The following KIAA0825 variants were observed in gnomAD, a reference collection of about 807,000 sequenced individuals.
KIAA0825 encodes the protein uncharacterized protein KIAA0825.
A neutral mutation model predicts 147.6 loss-of-function variants in KIAA0825; 119 were observed. That is an observed-to-expected ratio of 0.81 (90% CI 0.69 to 0.94). The LOEUF (loss-of-function observed/expected upper bound fraction) is 0.94. Ranked by LOEUF, KIAA0825 falls within the 40% of genes least tolerant of loss-of-function variation. The pLI is 0.00. For synonymous variants in KIAA0825, 470 were observed against 518.1 expected, an observed-to-expected ratio of 0.91 and a Z score of 1.26; for missense variants, 1,381 against 1,472.7, an observed-to-expected ratio of 0.94 and a Z score of 1.02.
intron 12 of KIAA0825, among the ~76,000 whole-genome samples, chr5:94,453,536 C>T (rs1222024216): frequency 6.6e-6 from 1 of 151,820 alleles, no homozygotes; most frequent in African/African-American, 2.4e-5. Flanking sequence ...TGGACAATGC[C>T]GCTACTTCAT....
At chr5:94,486,144 C>T (rs1303831742) in intron 5 of KIAA0825, among the ~76,000 whole-genome samples, 1 of 151,832 alleles carries the variant, frequency 6.6e-6, no homozygotes, top group Non-Finnish European at 1.5e-5. Flanking sequence ...TTAAAAGAAT[C>T]CTATCTTTAT....
rs555796180 is a variant in KIAA0825, at chr5:94,286,925, G to T, written c.3710+97443C>A. 2.6e-5 allele frequency among the ~76,000 whole-genome samples: 4 copies of T among 152,164 alleles called. No individual in the cohort carries two copies. The East Asian group carries it at 7.7e-4, about 29-fold the overall frequency. On this transcript the variant is annotated intron_variant, in intron 20 of 20. Coordinates refer to ENST00000682413, the MANE Select transcript of KIAA0825 (RefSeq NM_001145678.3). ...GGGCTCTGACTCCTATTGCCCATAG[G>T]CTAGTTCCACACCTCCCTGGGCTCG...
intron 20 of KIAA0825, among the ~76,000 whole-genome samples, chr5:94,237,067 G>GTGTC (rs1269782626): frequency 6.6e-6 from 1 of 151,856 alleles, no homozygotes; most frequent in African/African-American, 2.4e-5. Context: ...GTGTGTGTGT[G>GTGTC]TGTGTCTGTG....
chr5:94,483,361 G>A (rs973079627), intron 6 of KIAA0825, among the ~76,000 whole-genome samples: 1 of 151,974 alleles, frequency 6.6e-6, no homozygotes, highest in Non-Finnish European at 1.5e-5. Flanking sequence ...GAAAAGGTCT[G>A]TTAGAGATGT....
At chr5:94,400,866 G>T (rs1751283761) in intron 16 of KIAA0825, among the ~76,000 whole-genome samples, 1 of 151,974 alleles carries the variant, frequency 6.6e-6, no homozygotes, top group South Asian at 2.1e-4. Context: ...ATAAAGAAAT[G>T]AAGAAATGCA....
intron 20 of KIAA0825, among the ~76,000 whole-genome samples, chr5:94,329,068 A>G (rs1328796059): frequency 6.6e-6 from 1 of 152,070 alleles, no homozygotes; most frequent in East Asian, 1.9e-4. Flanking sequence ...TCTTATCCTC[A>G]ACTCTAAACC....
chr5:94,316,555 T>A (rs1195171648), intron 20 of KIAA0825, among the ~76,000 whole-genome samples: 2 of 151,740 alleles, frequency 1.3e-5, no homozygotes, highest in Non-Finnish European at 2.9e-5. Context: ...CATTGATGGC[T>A]GTGGCCTCCT....
chr5:94,387,705 A>T (rs553171506), intron 18 of KIAA0825, among the ~76,000 whole-genome samples: 3 of 152,142 alleles, frequency 2.0e-5, no homozygotes, highest in Admixed American at 6.5e-5. Context: ...AAATAAAAAA[A>T]AAAAAAAGGA....
At chr5:94,601,538 AG>A (rs1786452109) in intron 1 of KIAA0825, among the ~76,000 whole-genome samples, 3 of 152,220 alleles carry the variant, frequency 2.0e-5, no homozygotes, top group African/African-American at 2.4e-5. Flanking sequence ...GGTTTTGGAA[AG>A]GGGCTGAGGC....
At chr5:94,599,228 G>T (rs528074186) in intron 1 of KIAA0825, among the ~76,000 whole-genome samples, 2 of 151,682 alleles carry the variant, frequency 1.3e-5, no homozygotes, top group East Asian at 3.9e-4. Flanking sequence ...CTGATGACTA[G>T]TGGTGTTGAG....
intron 1 of KIAA0825, chr5:94,594,458 G>A: frequency 1.4e-6 from 1 of 738,508 alleles, no homozygotes; most frequent in Non-Finnish European, 2.5e-6. Context: ...AGTGTATCTT[G>A]GAAGAAAGAA....
In KIAA0825 at chr5:94,386,761, A is replaced by T. The variant is rs148544243; in HGVS notation, c.3457-357T>A. Among the ~76,000 whole-genome samples the T allele has an allele frequency of 1.5e-3, 228 of 152,314 alleles. 1 individual carries two copies. Among genetic ancestry groups the T allele is most frequent in the African/African-American group, 5.2e-3 (215 of 41,576 alleles). On this transcript the variant is annotated intron_variant, in intron 18 of 20. Transcript: ENST00000682413. ...CAAAACTTAACTCATCTGCATGATT[A>T]TTCACAGTATAAGATTGCCCATCCA...
chr5:94,554,157 A>G (rs1216057469), intron 2 of KIAA0825, among the ~76,000 whole-genome samples: 1 of 152,186 alleles, frequency 6.6e-6, no homozygotes. Flanking sequence ...GCTCCATAAA[A>G]TATTCTATGA....
At chr5:94,161,804 T>C (rs1430177206) in intron 20 of KIAA0825, among the ~76,000 whole-genome samples, 1 of 152,220 alleles carries the variant, frequency 6.6e-6, no homozygotes, top group Non-Finnish European at 1.5e-5. Context: ...AACATATTTA[T>C]CAACTATTAA....
intron 20 of KIAA0825, among the ~76,000 whole-genome samples, chr5:94,280,728 G>T (rs1045200377): frequency 6.6e-6 from 1 of 151,952 alleles, no homozygotes; most frequent in Non-Finnish European, 1.5e-5. Flanking sequence ...GGCACACTTG[G>T]GTTCTTTATG....
chr5:94,283,287 G>A (rs1400127650), intron 20 of KIAA0825, among the ~76,000 whole-genome samples: 5 of 152,048 alleles, frequency 3.3e-5, no homozygotes, highest in Non-Finnish European at 5.9e-5. Context: ...TTTAACAGAA[G>A]AAGAAATTGA....
At chr5:94,595,500 T>C (rs990709026) in intron 1 of KIAA0825, among the ~76,000 whole-genome samples, 9 of 152,188 alleles carry the variant, frequency 5.9e-5, no homozygotes, top group African/African-American at 1.9e-4. Context: ...AAACCATTTT[T>C]TCCTCCTAGG....
chr5:94,545,349 G>A (rs1774141140), intron 2 of KIAA0825, among the ~76,000 whole-genome samples: 1 of 152,188 alleles, frequency 6.6e-6, no homozygotes, highest in Admixed American at 6.5e-5. Flanking sequence ...GATTAAGGCA[G>A]TATATGACCT....
At chr5:94,545,544 G>T (rs932671885) in intron 2 of KIAA0825, among the ~76,000 whole-genome samples, 2 of 152,184 alleles carry the variant, frequency 1.3e-5, no homozygotes, top group Non-Finnish European at 2.9e-5. Context: ...CAGGGTACCA[G>T]GCAGACTTGT....
Sources: allele counts gnomAD v4.1 joint callset (sites outside exome capture counted in the v4.1 genomes callset), GRCh38; gene constraint gnomAD v4.1.1; transcripts MANE v1.5; gene names NCBI Gene and HGNC (gene_info 2026-07-23, HGNC 2026-07-21).